Variants in PLSCR4 observed in about 807,000 individuals in gnomAD.
PLSCR4 encodes Ca(2+)-dependent phospholipid scramblase 4.
In PLSCR4, 25 loss-of-function variants were observed where a neutral mutation model predicts 36.3. That is an observed-to-expected ratio of 0.69 (90% CI 0.50 to 0.96). The LOEUF (loss-of-function observed/expected upper bound fraction) is 0.96, where lower values mean the gene tolerates loss of function less well. Among genes scored for constraint, PLSCR4 ranks in the 40% least tolerant of loss-of-function variants. The pLI, the probability that PLSCR4 is intolerant of heterozygous loss-of-function variation, is 0.00. For synonymous variants in PLSCR4, 122 were observed against 132.9 expected (o/e 0.92, Z 0.56); for missense variants, 408 against 414.7 (o/e 0.98, Z 0.14).
intron 7 of PLSCR4, among the ~76,000 whole-genome samples, chr3:146,195,528 C>G (rs2033688983): frequency 6.6e-6 from 1 of 152,082 alleles, no homozygotes; most frequent in Non-Finnish European, 1.5e-5. Flanking sequence ...TATTAAGGGA[C>G]CTTTTAAGAA....
At position 146,196,303 on chromosome 3, in the gene PLSCR4, A is replaced by G. The variant is rs2033738927; in HGVS notation, c.786+329T>C. Reference sequence around the variant, plus strand: ...TAGAGCCTATATTCCCAGCCTAGAAATCTAGGGAAAAAAATGGTTAATTAC... The same window carrying G: ...TAGAGCCTATATTCCCAGCCTAGAAGTCTAGGGAAAAAAATGGTTAATTAC... On this transcript the variant is annotated intron_variant, in intron 7 of 8. Coordinates refer to ENST00000354952, the MANE Select transcript of PLSCR4 (RefSeq NM_020353.3). The G allele has an allele frequency of 2.1e-5, 5 of 240,520 alleles. No homozygotes were observed. The South Asian group carries it at 3.2e-4, about 15-fold the overall frequency. 14.9% of individuals were successfully genotyped at this position (240,520 alleles called of 1,614,324 possible). A position where few individuals can be genotyped will look rare whatever the true frequency, so the allele number is the denominator to read the frequency against.
intron 3 of PLSCR4, among the ~76,000 whole-genome samples, chr3:146,219,247 T>C (rs1442332523): frequency 2.6e-5 from 4 of 152,210 alleles, no homozygotes; most frequent in African/African-American, 9.6e-5. Flanking sequence ...AGAATAGACA[T>C]ACGCTTTATC....
chr3:146,246,058 G>C (rs1344153522), intron 1 of PLSCR4, among the ~76,000 whole-genome samples: 1 of 152,118 alleles, frequency 6.6e-6, no homozygotes, highest in Non-Finnish European at 1.5e-5. Context: ...TGTAAACTTA[G>C]TAAGTTTCTG....
intron 3 of PLSCR4, among the ~76,000 whole-genome samples, chr3:146,207,848 T>C (rs1465144380): frequency 6.6e-6 from 1 of 152,080 alleles, no homozygotes; most frequent in Non-Finnish European, 1.5e-5. Context: ...GATTTTATCA[T>C]GCTTTAAGAG....
intron 1 of PLSCR4, among the ~76,000 whole-genome samples, chr3:146,248,960 A>C (rs1023212007): frequency 6.6e-6 from 1 of 152,146 alleles, no homozygotes; most frequent in Non-Finnish European, 1.5e-5. Context: ...TATGTTTTGG[A>C]TAATTAGTGT....
intron 1 of PLSCR4, among the ~76,000 whole-genome samples, chr3:146,230,729 AG>A (rs1412750636): frequency 6.6e-6 from 1 of 152,244 alleles, no homozygotes; most frequent in Non-Finnish European, 1.5e-5. Context: ...CAGCAGTAAA[AG>A]GGTAAACAGT....
chr3:146,231,986 T>TAGGTCTTTAATTTA (rs2107823902), intron 1 of PLSCR4, among the ~76,000 whole-genome samples: 1 of 152,338 alleles, frequency 6.6e-6, no homozygotes, highest in South Asian at 2.1e-4. Context: ...TTTATAGTTT[T>TAGGTCTTTAATTTA]AGGTCTTACA....
intron 1 of PLSCR4, among the ~76,000 whole-genome samples, chr3:146,237,592 A>G (rs9845890): frequency 0.76 from 115,488 of 151,806 alleles, 45,215 homozygotes; most frequent in Non-Finnish European, 0.87. Flanking sequence ...GGAAATTCAA[A>G]ATATGTGGAT....
chr3:146,232,158 T>C (rs2035737846), intron 1 of PLSCR4, among the ~76,000 whole-genome samples: 1 of 152,180 alleles, frequency 6.6e-6, no homozygotes, highest in Non-Finnish European at 1.5e-5. Flanking sequence ...AAAAATCAGA[T>C]GGTTGTAAGT....
intron 1 of PLSCR4, among the ~76,000 whole-genome samples, chr3:146,245,203 T>C (rs1288380819): frequency 1.3e-5 from 2 of 152,034 alleles, no homozygotes; most frequent in African/African-American, 2.4e-5. Context: ...ATGGAAGCCA[T>C]TTCCCAGATG....
rs979206129 is a variant in PLSCR4, at chr3:146,198,378, A to T, written c.624+1435T>A. On this transcript the variant is annotated intron_variant, in intron 6 of 8. Transcript: ENST00000354952. The stretch of plus-strand genomic sequence containing the variant: ...AAAAACCTAGGTAAAGTTATGAGAC[A>T]AAAGTGTCATAAATTGGACTAGGCT... 2.0e-5 allele frequency among the ~76,000 whole-genome samples: 3 copies of T among 152,234 alleles called. No homozygotes were observed. The East Asian group carries it at 5.8e-4, about 29-fold the overall frequency.
chr3:146,227,347 C>T (rs2035520504), intron 1 of PLSCR4, among the ~76,000 whole-genome samples: 2 of 152,134 alleles, frequency 1.3e-5, no homozygotes, highest in Admixed American at 1.3e-4. Context: ...ATGGGCTAGA[C>T]AGGACAAGGT....
intron 1 of PLSCR4, among the ~76,000 whole-genome samples, chr3:146,230,674 G>T (rs1187269100): frequency 1.3e-5 from 2 of 152,152 alleles, no homozygotes; most frequent in Non-Finnish European, 1.5e-5. Flanking sequence ...TCCTGGTAAG[G>T]ACAATGAGAG....
At chr3:146,199,450 T>A (rs1236552618) in intron 6 of PLSCR4, among the ~76,000 whole-genome samples, 1 of 152,128 alleles carries the variant, frequency 6.6e-6, no homozygotes, top group Non-Finnish European at 1.5e-5. Context: ...TCCCTTCCAA[T>A]TCTAAAAGCA....
At chr3:146,210,447 A>G (rs1386689893) in intron 3 of PLSCR4, among the ~76,000 whole-genome samples, 2 of 152,038 alleles carry the variant, frequency 1.3e-5, no homozygotes, top group Non-Finnish European at 2.9e-5. Flanking sequence ...AAATTTAGAG[A>G]AAAAAATCAC....
At chr3:146,234,828 C>A (rs926604808) in intron 1 of PLSCR4, among the ~76,000 whole-genome samples, 7 of 152,088 alleles carry the variant, frequency 4.6e-5, no homozygotes, top group African/African-American at 1.7e-4. Context: ...AAAACTGATA[C>A]AAAAGAGATG....
At chr3:146,246,337 T>A in intron 1 of PLSCR4, among the ~76,000 whole-genome samples, 1 of 152,082 alleles carries the variant, frequency 6.6e-6, no homozygotes, top group Non-Finnish European at 1.5e-5. Context: ...TCAATATATT[T>A]ATTATTTTAT....
chr3:146,216,893 C>T (rs1016513622), intron 3 of PLSCR4, among the ~76,000 whole-genome samples: 1 of 152,120 alleles, frequency 6.6e-6, no homozygotes, highest in Non-Finnish European at 1.5e-5. Flanking sequence ...AATGCAAAAG[C>T]CAGTCGCCTT....
intron 5 of PLSCR4, among the ~76,000 whole-genome samples, chr3:146,200,698 G>A (rs2034000303): frequency 6.6e-6 from 1 of 151,974 alleles, no homozygotes. Flanking sequence ...GCTGACTGTG[G>A]TGTCCCTGGC....
Sources: gnomAD v4.1 joint callset for allele counts (sites outside exome capture counted in the v4.1 genomes callset) on GRCh38, gnomAD v4.1.1 for gene constraint, MANE v1.5 for transcripts, NCBI Gene and HGNC (gene_info 2026-07-23, HGNC 2026-07-21) for gene names.